Variants in MOV10L1 observed in about 807,000 individuals in gnomAD.
The protein encoded by MOV10L1 is RNA helicase Mov10l1.
A neutral mutation model predicts 143.8 loss-of-function variants in MOV10L1; 110 were observed. The observed-to-expected ratio is 0.76, with a 90% CI of 0.66 to 0.90. The LOEUF (loss-of-function observed/expected upper bound fraction) is 0.90, where lower values mean the gene tolerates loss of function less well. Among genes scored for constraint, MOV10L1 ranks in the 40% least tolerant of loss-of-function variants. MOV10L1 has a pLI of 0.00. For synonymous variants in MOV10L1, 593 were observed against 581.1 expected (o/e 1.02, Z -0.29); for missense variants, 1,406 against 1,526.8 (o/e 0.92, Z 1.32).
At chr22:50,102,216 C>T (rs2061763170) in intron 3 of MOV10L1, among the ~76,000 whole-genome samples, 1 of 152,124 alleles carries the variant, frequency 6.6e-6, no homozygotes, top group Non-Finnish European at 1.5e-5. Flanking sequence ...AACCTAAGGA[C>T]CACAGCAAAA....
At chr22:50,116,725 G>T (rs2062189976) in intron 8 of MOV10L1, among the ~76,000 whole-genome samples, 1 of 143,284 alleles carries the variant, frequency 7.0e-6, no homozygotes, top group Admixed American at 7.3e-5. Flanking sequence ...GAGTGCAGAG[G>T]CATGATCACA....
Position 50,160,560 on chromosome 22 carries a change from C to T in MOV10L1, c.3325-128C>T, listed in dbSNP as rs1032929030. The T allele has an allele frequency of 1.4e-4, 185 of 1,276,332 alleles. 2 individuals carry two copies. Among genetic ancestry groups the T allele is most frequent in the Middle Eastern group, 5.6e-4 (2 of 3,598 alleles). The allele number at this position is 1,276,332 out of a possible 1,614,324, so 79.1% of individuals were successfully genotyped here. On this transcript the variant is annotated intron_variant, in intron 24 of 26. Coordinates refer to ENST00000262794, the MANE Select transcript of MOV10L1 (RefSeq NM_018995.3). ...AGCCACCGCGCCCGGCCTCCTGTTTCTTTTTGAACCAAAAATGAGGTCATT... is the reference window on the plus strand; with the variant it reads ...AGCCACCGCGCCCGGCCTCCTGTTTTTTTTTGAACCAAAAATGAGGTCATT...
chr22:50,145,746 T>G lies in MOV10L1; in HGVS notation c.2563T>G (p.Ser855Ala). The G allele has an allele frequency of 6.2e-7, 1 of 1,614,134 alleles. No homozygotes were observed. Among genetic ancestry groups the G allele is most frequent in the East Asian group, 2.2e-5 (1 of 44,886 alleles). The change falls in exon 19 of 27, where the codon TCA becomes GCA. Residue 855 changes from serine (S) to alanine (A), a missense_variant. Physicochemically the swap from Ser to Ala is moderately conservative, Grantham distance 99 (BLOSUM62 1). Around this residue, in one of 3 missense-constraint regions of MOV10L1, gnomAD observed 1,233 missense variants for 1,351.4 expected, o/e 0.91. Transcript: ENST00000262794. Reference protein sequence around the residue: ...CRDGEDIWKASRFRIIITTCS... With the variant: ...CRDGEDIWKAARFRIIITTCS... ...AGACGGAGAAGACATCTGGAAAGCC[T>G]CACGCTTCCGGATAATCATCACCAC...
At position 50,134,497 on chromosome 22, in the gene MOV10L1, T is replaced by C. The variant is rs1019161179; in HGVS notation, c.1970-33T>C. 12 of 1,572,962 alleles carry C rather than the reference T, an allele frequency of 7.6e-6. No homozygotes were observed. The African/African-American group carries it at 1.1e-4, about 14-fold the overall frequency. ...TAATATTTTTTTAGCTTTTTAGTTA[T>C]ACCCGTGCTCTTACCATTTTTTGTT... On this transcript the variant is annotated intron_variant, in intron 14 of 26. Coordinates refer to ENST00000262794, the MANE Select transcript of MOV10L1 (RefSeq NM_018995.3).
intron 22 of MOV10L1, 31 bp downstream of exon 22, chr22:50,153,249 G>T (rs77106439): frequency 6.3e-7 from 1 of 1,596,518 alleles, no homozygotes; most frequent in African/African-American, 1.3e-5. Context: ...GTAGGTGACC[G>T]TGTCGGGTAA....
In MOV10L1 at chr22:50,158,194, C is replaced by T; in HGVS notation, c.3204C>T (p.Pro1068=). 6.2e-7 allele frequency: 1 copy of T among 1,614,144 alleles called. No individual in the cohort carries two copies. Among genetic ancestry groups the T allele is most frequent in the Non-Finnish European group, 8.5e-7 (1 of 1,180,036 alleles). ...CCAGCGACATTGGCGTCATCACGCC[C>T]TACCGGAAGCAGGTACGCCCTGCCC... is the stretch of plus-strand genomic sequence containing the variant. ...VSASDIGVIT[P]YRKQVEKIRI... Residue 1068 remains proline (P), a synonymous_variant, in exon 23 of 27, where the codon CCC becomes CCT. Transcript: ENST00000262794. This position sits in a 1 kb window ranked among gnomAD's most constrained non-coding sequence, Gnocchi z 5.0.
intron 22 of MOV10L1, among the ~76,000 whole-genome samples, chr22:50,153,606 C>T (rs2063353000): frequency 6.6e-6 from 1 of 152,192 alleles, no homozygotes; most frequent in African/African-American, 2.4e-5. Context: ...CGGTGCTTCC[C>T]TCGAGGGTTG....
At chr22:50,141,301 G>T (rs765142130) in intron 15 of MOV10L1, among the ~76,000 whole-genome samples, 3 of 151,880 alleles carry the variant, frequency 2.0e-5, no homozygotes, top group Non-Finnish European at 4.4e-5. Context: ...CTCCCAAAGT[G>T]CTGGGATTAT....
intron 5 of MOV10L1, among the ~76,000 whole-genome samples, chr22:50,110,993 A>G (rs1404378461): frequency 6.6e-6 from 1 of 152,160 alleles, no homozygotes; most frequent in Non-Finnish European, 1.5e-5. Context: ...GCTAGCCATG[A>G]CGAGGCTTCC....
intron 9 of MOV10L1, among the ~76,000 whole-genome samples, chr22:50,117,717 TC>T (rs1490594605): frequency 6.6e-6 from 1 of 152,130 alleles, no homozygotes; most frequent in African/African-American, 2.4e-5. Context: ...GTGCACGGCA[TC>T]CCCGTGTCAT....
At chr22:50,117,590 C>T (rs1177758267) in intron 9 of MOV10L1, among the ~76,000 whole-genome samples, 1 of 152,168 alleles carries the variant, frequency 6.6e-6, no homozygotes, top group East Asian at 1.9e-4. Context: ...CCAAGGAAGA[C>T]GGCCTTCACT....
Position 50,161,643 on chromosome 22 carries a change from C to A in MOV10L1, c.*194C>A, listed in dbSNP as rs2063562203. On this transcript the variant is annotated 3_prime_UTR_variant, in exon 27 of 27. Coordinates refer to ENST00000262794, the MANE Select transcript of MOV10L1 (RefSeq NM_018995.3). ...ATGCCAGCCTGTTCCTGCCACAGGG[C>A]AGTCACTGCCGCCTACCCTGAAATA... 1.8e-6 allele frequency: 1 copy of A among 550,018 alleles called. No individual in the cohort carries two copies. Among genetic ancestry groups the A allele is most frequent in the African/African-American group, 1.9e-5 (1 of 52,144 alleles). 34.1% of individuals were successfully genotyped at this position (550,018 alleles called of 1,614,324 possible).
At chr22:50,134,358 G>A (rs1044037186) in intron 14 of MOV10L1, among the ~76,000 whole-genome samples, 172 bp from the exon 15 acceptor site, 2 of 152,086 alleles carry the variant, frequency 1.3e-5, no homozygotes, top group African/African-American at 4.8e-5. Flanking sequence ...GCTTTGTTGT[G>A]AAGAATATGC....
chr22:50,144,644 T>C lies in MOV10L1; in HGVS notation c.2505+401T>C, dbSNP rs550240204. ...TCGCCCAGGCTGAAGTGCAGTGGCA[T>C]GATCTCGGCTCACTGCAAGCTCCGC... is the stretch of plus-strand genomic sequence containing the variant. On this transcript the variant is annotated intron_variant, in intron 18 of 26. Transcript: ENST00000262794. Among the ~76,000 whole-genome samples the C allele has an allele frequency of 6.2e-4, 94 of 152,100 alleles. No individual in the cohort carries two copies. The South Asian group carries it at 6.2e-3, about 10-fold the overall frequency.
rs758364053 is a variant in MOV10L1, at chr22:50,099,483, A to G, written c.323A>G (p.Asn108Ser). 1.2e-6 allele frequency: 2 copies of G among 1,614,158 alleles called. No homozygotes were observed. The highest frequency in any genetic ancestry group is 3.3e-5 in the Admixed American group (2 of 60,016). Residue 108 changes from asparagine (N) to serine (S), a missense_variant, in exon 3 of 27, where the codon AAC (asparagine) becomes AGC (serine). Physicochemically the swap from Asn to Ser is conservative, Grantham distance 46. Around this residue, in one of 3 missense-constraint regions of MOV10L1, gnomAD observed 166 missense variants for 153.9 expected, o/e 1.08. Coordinates refer to ENST00000262794, the MANE Select transcript of MOV10L1 (RefSeq NM_018995.3). ...GATAAGTGGGAAGACGACAGCAGAA[A>G]CCATGGGAGTCCCTCAGACTGCGGC... ...VSDKWEDDSR[N>S]HGSPSDCGPR...
intron 2 of MOV10L1, 36 bp from the exon 3 acceptor site, chr22:50,099,407 C>T (rs1247546403): frequency 2.3e-5 from 36 of 1,593,866 alleles, no homozygotes; most frequent in Non-Finnish European, 2.9e-5. Context: ...TTGTAGTTCT[C>T]GTATTATGGT....
At chr22:50,107,372 CAT>C (rs1302976214) in intron 3 of MOV10L1, among the ~76,000 whole-genome samples, 3 of 152,316 alleles carry the variant, frequency 2.0e-5, no homozygotes, top group Non-Finnish European at 2.9e-5. Context: ...TCTGTTTTCA[CAT>C]AGACAGTGAT....
chr22:50,143,153 C>G lies in MOV10L1; in HGVS notation c.2290C>G (p.Leu764Val). The change falls in exon 17 of 27, where the codon CTC becomes GTC. Residue 764 changes from leucine to valine, a missense_variant. By Grantham distance (32) the Leu-to-Val change is conservative. Coordinates refer to ENST00000262794, the MANE Select transcript of MOV10L1 (RefSeq NM_018995.3). ...GATTCTGAGTGGTGACTGCCGTCCC[C>G]TCCCGTATATTCTCTTTGGACCTCC... ...KRILSGDCRP[L>V]PYILFGPPGT... The G allele has an allele frequency of 6.2e-7, 1 of 1,614,196 alleles. No individual in the cohort carries two copies. The highest frequency in any genetic ancestry group is 8.5e-7 in the Non-Finnish European group (1 of 1,180,034).
Position 50,108,202 on chromosome 22 carries a change from G to C in MOV10L1, c.509G>C (p.Ser170Thr), listed in dbSNP as rs771294792. Residue 170 changes from serine (S) to threonine (T), a missense_variant, in exon 4 of 27, where the codon AGC becomes ACC. Coordinates refer to ENST00000262794, the MANE Select transcript of MOV10L1 (RefSeq NM_018995.3). Reference protein sequence around the residue: ...EYRIRPGTWSSEATSVKPLRY... With the variant: ...EYRIRPGTWSTEATSVKPLRY... ...CGGATCCGGCCTGGCACGTGGAGCA[G>C]CGAAGCCACCTCAGTGAAGCCACTG... 87 of 1,614,006 alleles carry C rather than the reference G, an allele frequency of 5.4e-5. No individual in the cohort carries two copies. The highest frequency in any genetic ancestry group is 6.9e-5 in the Non-Finnish European group (81 of 1,180,042).
Sources: allele counts gnomAD v4.1 joint callset (sites outside exome capture counted in the v4.1 genomes callset), GRCh38; gene constraint gnomAD v4.1.1; regional missense constraint gnomAD v4.1.1; non-coding constraint Gnocchi (gnomAD v3.1); transcripts MANE v1.5; gene names NCBI Gene and HGNC (gene_info 2026-07-23, HGNC 2026-07-21).